ENTREP2: variants seen among roughly 807,000 people sequenced by gnomAD.
The protein encoded by ENTREP2 is endosomal transmembrane epsin interactor 2.
At chr15:29,151,756 A>G in the ENTREP2 span, 1 of 1,551,626 alleles carries the variant, frequency 6.4e-7, no homozygotes, top group Non-Finnish European at 8.7e-7. Context: ...ATCGGAGGAG[A>G]CCATCTGCAT....
At chr15:29,316,348 AAGAGAGAC>A in the ENTREP2 span, among the ~76,000 whole-genome samples, 1 of 152,170 alleles carries the variant, frequency 6.6e-6, no homozygotes, top group Admixed American at 6.5e-5. Flanking sequence ...GAAAATAAAG[AAGAGAGAC>A]AGAGAGACTT....
chr15:29,515,877 T>G, the ENTREP2 span, among the ~76,000 whole-genome samples: 1 of 152,014 alleles, frequency 6.6e-6, no homozygotes. Context: ...GTGGTAGAAA[T>G]GTTCTATACC....
At chr15:29,264,208 A>G in the ENTREP2 span, among the ~76,000 whole-genome samples, 5 of 103,054 alleles carry the variant, frequency 4.9e-5, no homozygotes, top group Non-Finnish European at 9.3e-5. Flanking sequence ...GAAATGCTCA[A>G]TAAATGATGT....
At chr15:29,266,357 G>A in the ENTREP2 span, 1 of 152,248 alleles carries the variant, frequency 6.6e-6, no homozygotes, top group African/African-American at 2.4e-5. Flanking sequence ...ATAAAATGTT[G>A]ATGGGAGTGT....
At chr15:29,345,893 C>T in the ENTREP2 span, among the ~76,000 whole-genome samples, 1 of 152,186 alleles carries the variant, frequency 6.6e-6, no homozygotes, top group Non-Finnish European at 1.5e-5. Flanking sequence ...TGATGATGAT[C>T]GCAGCGGACA....
chr15:29,184,382 G>A, the ENTREP2 span, among the ~76,000 whole-genome samples: 35 of 152,288 alleles, frequency 2.3e-4, no homozygotes, highest in African/African-American at 1.2e-4. Flanking sequence ...TCATTTGCAC[G>A]GAAATGACCC....
At chr15:29,439,284 T>TTTACACAC in the ENTREP2 span, among the ~76,000 whole-genome samples, 1 of 97,090 alleles carries the variant, frequency 1.0e-5, no homozygotes, top group African/African-American at 5.1e-5. Context: ...AAATTGGAAT[T>TTTACACAC]ACACACACAC....
chr15:29,323,161 T>C, the ENTREP2 span, among the ~76,000 whole-genome samples: 2 of 152,224 alleles, frequency 1.3e-5, no homozygotes, highest in African/African-American at 4.8e-5. Flanking sequence ...TTGCTAATGA[T>C]GCTAATGTTA....
chr15:29,639,267 C>T, the ENTREP2 span, among the ~76,000 whole-genome samples: 2 of 152,152 alleles, frequency 1.3e-5, no homozygotes, highest in Non-Finnish European at 2.9e-5. Context: ...AAAAAACTGG[C>T]CGAGTCTTGA....
At chr15:29,511,788 A>T in the ENTREP2 span, among the ~76,000 whole-genome samples, 239 of 148,226 alleles carry the variant, frequency 1.6e-3, 1 homozygote, top group African/African-American at 5.5e-3. Flanking sequence ...TAGTACCTGC[A>T]TAACAAACCC....
chr15:29,607,841 C>CAGAT, the ENTREP2 span, among the ~76,000 whole-genome samples: 28,590 of 151,288 alleles, frequency 0.19, 2,977 homozygotes, highest in South Asian at 0.26. Flanking sequence ...GACAGACAGA[C>CAGAT]AGATAGATAG....
the ENTREP2 span, among the ~76,000 whole-genome samples, chr15:29,133,358 T>C: frequency 1.3e-5 from 2 of 152,176 alleles, no homozygotes; most frequent in African/African-American, 2.4e-5. Context: ...CCCCAATTAC[T>C]GACTCAGGAG....
the ENTREP2 span, among the ~76,000 whole-genome samples, chr15:29,444,374 A>C: frequency 6.6e-6 from 1 of 152,160 alleles, no homozygotes; most frequent in Admixed American, 6.5e-5. Flanking sequence ...TGCGGGATAA[A>C]AAGGAAAGTG....
the ENTREP2 span, among the ~76,000 whole-genome samples, chr15:29,300,600 A>G: frequency 6.6e-6 from 1 of 152,122 alleles, no homozygotes; most frequent in Non-Finnish European, 1.5e-5. Context: ...TACAGAACAT[A>G]GTCTTTTTTT....
chr15:29,574,397 G>A, the ENTREP2 span, among the ~76,000 whole-genome samples: 2 of 152,120 alleles, frequency 1.3e-5, no homozygotes, highest in Admixed American at 6.5e-5. Context: ...GAGTTCAAGC[G>A]ATTCTCGTGC....
chr15:29,540,509 C>A, the ENTREP2 span, among the ~76,000 whole-genome samples: 1 of 152,198 alleles, frequency 6.6e-6, no homozygotes, highest in Non-Finnish European at 1.5e-5. Context: ...AGGCATCACA[C>A]AAGAGAGAAG....
At chr15:29,303,882 C>A in the ENTREP2 span, among the ~76,000 whole-genome samples, 2 of 151,950 alleles carry the variant, frequency 1.3e-5, no homozygotes, top group Admixed American at 1.3e-4. Context: ...CATTTTCTTT[C>A]TTTTTTCTTT....
At chr15:29,177,893 G>A in the ENTREP2 span, among the ~76,000 whole-genome samples, 1 of 152,044 alleles carries the variant, frequency 6.6e-6, no homozygotes, top group Admixed American at 6.5e-5. Flanking sequence ...GGTGGGCGAG[G>A]GGAGGCAGGG....
the ENTREP2 span, among the ~76,000 whole-genome samples, chr15:29,600,930 C>CTTTTTTTTT: frequency 1.8e-5 from 2 of 108,608 alleles, no homozygotes; most frequent in African/African-American, 1.0e-4. Context: ...CAGAGTCTCG[C>CTTTTTTTTT]TCTTTTGCCC....
Sources: allele counts gnomAD v4.1 joint callset (sites outside exome capture counted in the v4.1 genomes callset), GRCh38; gene constraint gnomAD v4.1.1; transcripts MANE v1.5; gene names NCBI Gene and HGNC (gene_info 2026-07-23, HGNC 2026-07-21).